MCUB: variants seen among roughly 807,000 people sequenced by gnomAD.
MCUB encodes the protein calcium uniporter regulatory subunit MCUb, mitochondrial.
MCUB carries 46 observed loss-of-function variants against 41.4 expected under a neutral mutation model. That is an observed-to-expected ratio of 1.11 (90% CI 0.88 to 1.42). MCUB has a LOEUF of 1.42. Ranked by LOEUF, MCUB falls within the 40% of genes most tolerant of loss-of-function variation. The pLI is 0.00. For synonymous variants in MCUB, 148 were observed against 148.2 expected (o/e 1.00, Z 0.01); for missense variants, 403 against 404.9 (o/e 1.00, Z 0.04).
At chr4:109,666,503 G>A (rs1342644174) in intron 4 of MCUB, among the ~76,000 whole-genome samples, 7 of 152,126 alleles carry the variant, frequency 4.6e-5, no homozygotes, top group East Asian at 1.9e-4. Flanking sequence ...CATTGTAGTA[G>A]GTGTGTAGTC....
intron 1 of MCUB, among the ~76,000 whole-genome samples, chr4:109,593,941 C>T (rs1369787642): frequency 3.3e-5 from 5 of 152,168 alleles, no homozygotes; most frequent in Admixed American, 1.3e-4. Context: ...CTGTGCCTTT[C>T]GGATGCTATA....
At chr4:109,645,832 A>G (rs891516110) in intron 1 of MCUB, among the ~76,000 whole-genome samples, 2 of 152,164 alleles carry the variant, frequency 1.3e-5, no homozygotes, top group Non-Finnish European at 2.9e-5. Context: ...CTCAAAGGCC[A>G]GTCCCCCTGC....
At chr4:109,601,368 A>G (rs1727730710) in intron 1 of MCUB, among the ~76,000 whole-genome samples, 1 of 152,044 alleles carries the variant, frequency 6.6e-6, no homozygotes, top group African/African-American at 2.4e-5. Context: ...GGTACCTGTT[A>G]ACCATTCACA....
chr4:109,640,421 G>A lies in MCUB; in HGVS notation c.100-18590G>A, dbSNP rs577056858. Among the ~76,000 whole-genome samples, 23 of 152,316 alleles carry A rather than the reference G, an allele frequency of 1.5e-4. No individual in the cohort carries two copies. The East Asian group carries it at 1.9e-3, about 13-fold the overall frequency. ...AGCTATGAAAGTCCTAGATGGCATC[G>A]TCTTCCAATGCAAGGCAGTATTGGA... On this transcript the variant is annotated intron_variant, in intron 1 of 7. Coordinates refer to ENST00000394650, the MANE Select transcript of MCUB (RefSeq NM_017918.5).
At chr4:109,597,635 G>A (rs1456044028) in intron 1 of MCUB, among the ~76,000 whole-genome samples, 2 of 144,772 alleles carry the variant, frequency 1.4e-5, no homozygotes, top group Non-Finnish European at 3.0e-5. Flanking sequence ...CGGGCGGGGG[G>A]CTGACTCCCC....
At chr4:109,623,484 G>A (rs1411536164) in intron 1 of MCUB, among the ~76,000 whole-genome samples, 1 of 152,190 alleles carries the variant, frequency 6.6e-6, no homozygotes. Context: ...GATATTGAAT[G>A]TGTCAAAGCT....
intron 1 of MCUB, among the ~76,000 whole-genome samples, chr4:109,600,339 G>A (rs913565804): frequency 6.6e-6 from 1 of 152,234 alleles, no homozygotes; most frequent in African/African-American, 2.4e-5. Context: ...CCAACAGATA[G>A]AAGTAGGTAA....
intron 1 of MCUB, among the ~76,000 whole-genome samples, chr4:109,608,137 C>T (rs772111217): frequency 1.3e-5 from 2 of 152,132 alleles, no homozygotes; most frequent in Non-Finnish European, 2.9e-5. Context: ...TCTTGAAGCT[C>T]ACTAATTCTC....
intron 1 of MCUB, among the ~76,000 whole-genome samples, chr4:109,605,885 TC>T (rs1727858278): frequency 6.6e-6 from 1 of 152,226 alleles, no homozygotes; most frequent in Non-Finnish European, 1.5e-5. Context: ...TCTTTTTTCA[TC>T]CCTTTATTTT....
chr4:109,626,816 C>T (rs199805469), intron 1 of MCUB, among the ~76,000 whole-genome samples: 8 of 94,570 alleles, frequency 8.5e-5, no homozygotes, highest in East Asian at 2.9e-4. Flanking sequence ...AGTGAGAGTC[C>T]GACTCAAAAA....
At chr4:109,591,249 G>A (rs1056646722) in intron 1 of MCUB, among the ~76,000 whole-genome samples, 3 of 151,146 alleles carry the variant, frequency 2.0e-5, no homozygotes, top group South Asian at 2.1e-4. Flanking sequence ...GCAGTGGTGC[G>A]ATCTCAGCTC....
intron 1 of MCUB, among the ~76,000 whole-genome samples, chr4:109,625,141 A>G (rs931246777): frequency 6.6e-6 from 1 of 152,176 alleles, no homozygotes; most frequent in African/African-American, 2.4e-5. Flanking sequence ...CTCTGTCTCA[A>G]AAAACAAAAA....
chr4:109,575,505 T>A (rs1727006099), intron 1 of MCUB, among the ~76,000 whole-genome samples: 1 of 152,240 alleles, frequency 6.6e-6, no homozygotes, highest in Non-Finnish European at 1.5e-5. Context: ...TGAAATTCAC[T>A]TTATAACGAA....
chr4:109,594,014 C>T (rs990533040), intron 1 of MCUB, among the ~76,000 whole-genome samples: 2 of 152,146 alleles, frequency 1.3e-5, no homozygotes, highest in Non-Finnish European at 2.9e-5. Context: ...TGACTTGTTC[C>T]TTGACATGAA....
At chr4:109,636,205 G>C (rs1728585381) in intron 1 of MCUB, among the ~76,000 whole-genome samples, 1 of 152,164 alleles carries the variant, frequency 6.6e-6, no homozygotes, top group Non-Finnish European at 1.5e-5. Flanking sequence ...CTGCATTCTA[G>C]GTGGAAGTAG....
chr4:109,600,720 G>A (rs1448040461), intron 1 of MCUB, among the ~76,000 whole-genome samples: 2 of 152,120 alleles, frequency 1.3e-5, no homozygotes, highest in Non-Finnish European at 2.9e-5. Flanking sequence ...GATTTAGTTA[G>A]GTTGGGCTAG....
chr4:109,667,356 T>A (rs1348036887), intron 4 of MCUB, among the ~76,000 whole-genome samples: 1 of 152,034 alleles, frequency 6.6e-6, no homozygotes, highest in Non-Finnish European at 1.5e-5. Context: ...TCTAGGTTAT[T>A]GAATTTGTGG....
At chr4:109,565,809 T>C (rs1418350751) in intron 1 of MCUB, among the ~76,000 whole-genome samples, 1 of 151,456 alleles carries the variant, frequency 6.6e-6, no homozygotes, top group Non-Finnish European at 1.5e-5. Context: ...CATTATGATA[T>C]GCGAAACCCA....
At chr4:109,583,909 A>C in intron 1 of MCUB, among the ~76,000 whole-genome samples, 1 of 152,126 alleles carries the variant, frequency 6.6e-6, no homozygotes, top group East Asian at 1.9e-4. Flanking sequence ...CCCAGGGATG[A>C]AGCCAACTTG....
Sources: allele counts gnomAD v4.1 joint callset (sites outside exome capture counted in the v4.1 genomes callset), GRCh38; gene constraint gnomAD v4.1.1; transcripts MANE v1.5; gene names NCBI Gene and HGNC (gene_info 2026-07-23, HGNC 2026-07-21).